Variants in BRINP3 observed in about 807,000 individuals in gnomAD.
BRINP3 encodes the protein BMP/retinoic acid inducible neural specific 3, also known as BMP/retinoic acid-inducible neural-specific protein 3.
In BRINP3, 19 loss-of-function variants were observed where a neutral mutation model predicts 71.0. That is an observed-to-expected ratio of 0.27 (90% confidence interval 0.19 to 0.39). BRINP3 has a LOEUF of 0.39. Ranked by LOEUF, BRINP3 falls within the 10% of genes least tolerant of loss-of-function variation. BRINP3 has a pLI of 1.00. For missense variants in BRINP3, 959 were observed against 940.8 expected (o/e 1.02, Z -0.25); for synonymous variants, 380 against 337.7 (o/e 1.13, Z -1.37).
rs547621070 is a variant in BRINP3 at position 190,420,085 on chromosome 1, G to T, written c.236+34570C>A. On this transcript the variant is annotated intron_variant, in intron 2 of 7. Transcript: ENST00000367462. ...AATAAGCAAACAGATGGTTTTGCAG[G>T]TGGTCATGTCTTAAAAACTAAAGCT... 4.6e-5 allele frequency among the ~76,000 whole-genome samples: 7 copies of T among 152,112 alleles called. No individual in the cohort carries two copies. In the East Asian group the frequency reaches 1.4e-3, roughly 29 times the overall value.
intron 3 of BRINP3, among the ~76,000 whole-genome samples, chr1:190,275,298 T>A (rs895664614): frequency 6.6e-5 from 10 of 151,624 alleles, no homozygotes; most frequent in African/African-American, 2.4e-4. Context: ...GCTATGATTT[T>A]TTTAAGATTA....
At chr1:190,169,115 G>A (rs958789952) in intron 6 of BRINP3, among the ~76,000 whole-genome samples, 3 of 152,106 alleles carry the variant, frequency 2.0e-5, no homozygotes, top group Non-Finnish European at 2.9e-5. Flanking sequence ...AAAAAAACAC[G>A]ACTAGCAGGT....
intron 2 of BRINP3, among the ~76,000 whole-genome samples, chr1:190,366,225 G>C (rs981967142): frequency 6.6e-6 from 1 of 152,088 alleles, no homozygotes; most frequent in Non-Finnish European, 1.5e-5. Context: ...GTTCTGCAGG[G>C]CTGAGGAGGC....
chr1:190,444,547 A>T (rs1365011236), intron 2 of BRINP3, among the ~76,000 whole-genome samples: 1 of 151,256 alleles, frequency 6.6e-6, no homozygotes, highest in Non-Finnish European at 1.5e-5. Context: ...TTATTTATTT[A>T]TTTTTTGAGA....
intron 4 of BRINP3, among the ~76,000 whole-genome samples, chr1:190,264,125 G>A (rs1381897784): frequency 6.6e-6 from 1 of 152,046 alleles, no homozygotes; most frequent in East Asian, 1.9e-4. Flanking sequence ...GACCTAATTT[G>A]CCAGAGAATA....
intron 2 of BRINP3, among the ~76,000 whole-genome samples, chr1:190,291,777 A>G (rs370987014): frequency 6.6e-6 from 1 of 152,178 alleles, no homozygotes; most frequent in South Asian, 2.1e-4. Context: ...TAGAACTACC[A>G]TATGATTTGG....
intron 7 of BRINP3, among the ~76,000 whole-genome samples, chr1:190,127,346 T>C (rs1474871075): frequency 6.6e-6 from 1 of 151,868 alleles, no homozygotes; most frequent in African/African-American, 2.4e-5. Context: ...TTAAAGTGTT[T>C]TAAAGTATTT....
intron 6 of BRINP3, among the ~76,000 whole-genome samples, chr1:190,205,420 A>G (rs1015620839): frequency 9.2e-5 from 14 of 152,102 alleles, no homozygotes; most frequent in Admixed American, 3.9e-4. Flanking sequence ...ACATCCATGT[A>G]CTATAGAGGA....
chr1:190,379,213 A>G (rs984233541), intron 2 of BRINP3, among the ~76,000 whole-genome samples: 1 of 152,152 alleles, frequency 6.6e-6, no homozygotes, highest in African/African-American at 2.4e-5. Context: ...AAACAAAACA[A>G]AAAAACTACA....
At chr1:190,257,692 A>T (rs1660791352) in intron 4 of BRINP3, among the ~76,000 whole-genome samples, 1 of 151,884 alleles carries the variant, frequency 6.6e-6, no homozygotes, top group Non-Finnish European at 1.5e-5. Flanking sequence ...GATATTGATG[A>T]TATTCCTTTC....
chr1:190,311,488 CA>C lies in BRINP3; in HGVS notation c.237-29739del, dbSNP rs902522346. Among the ~76,000 whole-genome samples, 124 of 149,192 alleles carry C rather than the reference CA, an allele frequency of 8.3e-4. 1 individual carries two copies. The highest frequency in any genetic ancestry group is 2.7e-3 in the African/African-American group (108 of 40,734). On this transcript the variant is annotated intron_variant, in intron 2 of 7. Coordinates refer to ENST00000367462, the MANE Select transcript of BRINP3 (RefSeq NM_199051.3). The stretch of plus-strand genomic sequence containing the variant: ...TGATTAAGAATTTGACGTTAGTAGC[CA>C]AAAAAAAGTAGAAATTAAATAGAAA...
Position 190,447,349 on chromosome 1 carries a change from T to TTATA in BRINP3, c.236+7302_236+7305dup, listed in dbSNP as rs199554405. On this transcript the variant is annotated intron_variant, in intron 2 of 7. Coordinates refer to ENST00000367462, the MANE Select transcript of BRINP3 (RefSeq NM_199051.3). ...TTTTTAACCAACATTTTTGAACATC[T>TTATA]TATATATATATATATATTTGTGAAT... 1.3e-3 allele frequency among the ~76,000 whole-genome samples: 189 copies of TTATA among 144,428 alleles called. No homozygotes were observed. In the East Asian group the frequency reaches 0.025, roughly 19 times the overall value. The allele number at this position is 144,428 out of a possible 152,430, so 94.8% of individuals were successfully genotyped here.
At chr1:190,307,718 T>C (rs1665218121) in intron 2 of BRINP3, among the ~76,000 whole-genome samples, 1 of 151,962 alleles carries the variant, frequency 6.6e-6, no homozygotes, top group Non-Finnish European at 1.5e-5. Flanking sequence ...AAAAAAGAGC[T>C]TCCATATTAA....
intron 1 of BRINP3, chr1:190,474,331 G>T (rs1189491286): frequency 6.6e-6 from 1 of 152,576 alleles, no homozygotes; most frequent in African/African-American, 2.4e-5. Context: ...ATATTCCATT[G>T]CTTGCAACAC....
chr1:190,386,132 A>G (rs537198355), intron 2 of BRINP3, among the ~76,000 whole-genome samples: 1 of 148,698 alleles, frequency 6.7e-6, no homozygotes, highest in South Asian at 2.1e-4. Context: ...ATAATGCTAG[A>G]TGACGAGTTA....
At chr1:190,319,978 A>G (rs918399765) in intron 2 of BRINP3, among the ~76,000 whole-genome samples, 14 of 152,112 alleles carry the variant, frequency 9.2e-5, no homozygotes, top group African/African-American at 3.1e-4. Flanking sequence ...AGAATATTCT[A>G]TAAGTTTTTT....
intron 6 of BRINP3, among the ~76,000 whole-genome samples, chr1:190,191,846 A>G (rs923468747): frequency 6.6e-6 from 1 of 152,174 alleles, no homozygotes; most frequent in Admixed American, 6.6e-5. Context: ...CGGAAAAAAT[A>G]TAGTTTTCAA....
intron 2 of BRINP3, among the ~76,000 whole-genome samples, chr1:190,340,118 G>A (rs144756483): frequency 1.3e-5 from 2 of 151,856 alleles, no homozygotes; most frequent in East Asian, 1.9e-4. Context: ...TACAATGTGG[G>A]GAAATCAAAG....
chr1:190,342,429 G>A (rs2103115912), intron 2 of BRINP3: 1 of 150,798 alleles, frequency 6.6e-6, no homozygotes, highest in African/African-American at 2.4e-5. Flanking sequence ...TTTTCCACAG[G>A]CCCATTTGCT....
Sources: allele counts gnomAD v4.1 joint callset (sites outside exome capture counted in the v4.1 genomes callset), GRCh38; gene constraint gnomAD v4.1.1; transcripts MANE v1.5; gene names NCBI Gene and HGNC (gene_info 2026-07-23, HGNC 2026-07-21).